Variants in MYPN observed in about 807,000 individuals in gnomAD.
MYPN encodes the protein sarcomeric protein myopalladin, 145 kDa (MYOP).
A neutral mutation model predicts 129.4 loss-of-function variants in MYPN; 63 were observed. The ratio of observed to expected loss-of-function variants is 0.49; its 90% CI spans 0.40 to 0.60. MYPN has a LOEUF of 0.60. Among genes scored for constraint, MYPN ranks in the 20% least tolerant of loss-of-function variants. MYPN has a pLI of 0.00. For synonymous variants in MYPN, 629 were observed against 600.9 expected, an observed-to-expected ratio of 1.05 and a Z score of -0.68; for missense variants, 1,596 against 1,635.4, an observed-to-expected ratio of 0.98 and a Z score of 0.42.
At position 68,188,948 on chromosome 10, in the gene MYPN, T is replaced by C. The variant is rs547527125; in HGVS notation, c.2747T>C (p.Ile916Thr). ...SSFEQRLMNEIEFRLERTPVD... is the reference protein window; with the variant it reads ...SSFEQRLMNETEFRLERTPVD... ...TTTGAGCAGAGGCTGATGAATGAAA[T>C]AGAGTTTCGCTTGGAACGTACTCCT... The change falls in exon 13 of 20, where the codon ATA (isoleucine) becomes ACA (threonine). Residue 916 changes from isoleucine to threonine, a missense_variant. Physicochemically the swap from Ile to Thr is moderately conservative, Grantham distance 89. Transcript: ENST00000358913. 2 of 1,614,082 alleles carry C rather than the reference T, an allele frequency of 1.2e-6. No individual in the cohort carries two copies. Among genetic ancestry groups the C allele is most frequent in the African/African-American group, 2.7e-5 (2 of 75,038 alleles).
chr10:68,188,340 C>A (rs923886989), intron 12 of MYPN, among the ~76,000 whole-genome samples: 2 of 151,580 alleles, frequency 1.3e-5, no homozygotes, highest in African/African-American at 2.4e-5. Context: ...GAATTCCTGG[C>A]CTCAGGTGAT....
At chr10:68,106,205 A>G (rs920277061), upstream of MYPN, 9 of 453,710 alleles carry the variant, frequency 2.0e-5, no homozygotes, top group East Asian at 5.6e-4. Flanking sequence ...TTTACTTCTC[A>G]GGATAATGTT....
At chr10:68,209,768 C>A (rs1339132071) in intron 19 of MYPN, among the ~76,000 whole-genome samples, 4 of 148,946 alleles carry the variant, frequency 2.7e-5, no homozygotes. Flanking sequence ...GATCTTGGCT[C>A]ACTGCAACCT....
In MYPN at chr10:68,194,473, TGAC is replaced by T; in HGVS notation, c.3039_3041del (p.Asp1014del). On this transcript the variant is annotated inframe_deletion, in exon 14 of 20. Transcript: ENST00000358913. ...TGCACATTGAATCCACTACCAGTGATGACGATGGCAACTACACCATCATGGCAG... is the reference window on the plus strand; with the variant it reads ...TGCACATTGAATCCACTACCAGTGATGATGGCAACTACACCATCATGGCAG... 6.2e-7 allele frequency: 1 copy of T among 1,613,940 alleles called. No individual in the cohort carries two copies. Among genetic ancestry groups the T allele is most frequent in the Non-Finnish European group, 8.5e-7 (1 of 1,179,908 alleles).
intron 1 of MYPN, among the ~76,000 whole-genome samples, chr10:68,112,880 T>C (rs2042100709): frequency 6.6e-6 from 1 of 152,158 alleles, no homozygotes; most frequent in Non-Finnish European, 1.5e-5. Flanking sequence ...GTACACTCCA[T>C]CTGCACCCAG....
rs74143030 is a variant in MYPN at position 68,158,567 on chromosome 10, G to A, written c.1399G>A (p.Glu467Lys). The A allele has an allele frequency of 7.7e-3, 12,440 of 1,610,680 alleles. 761 individuals carry two copies. In the African/African-American group the frequency reaches 0.14, roughly 18 times the overall value. The change falls in exon 7 of 20, where the codon GAG (glutamate) becomes AAG (lysine). Residue 467 changes from glutamate to lysine, a missense_variant. Physicochemically the swap from Glu to Lys is moderately conservative, Grantham distance 56. Transcript: ENST00000358913. The stretch of plus-strand genomic sequence containing the variant: ...AAAAGGAGCTCCATCTCCTAAGGTT[G>A]AGTGGTATAGAGAAGGGACTTTAAT... ...RVKGAPSPKV[E>K]WYREGTLIED... is the part of the protein sequence containing the mutation.
chr10:68,094,772 AGCAT>A (rs2041948588), intron 1 of MYPN, among the ~76,000 whole-genome samples: 1 of 152,182 alleles, frequency 6.6e-6, no homozygotes, highest in Non-Finnish European at 1.5e-5. Context: ...TAAAATATAA[AGCAT>A]GGGGGCTGGA....
chr10:68,204,347 T>C (rs1459899681), intron 18 of MYPN, among the ~76,000 whole-genome samples: 1 of 152,164 alleles, frequency 6.6e-6, no homozygotes, highest in Non-Finnish European at 1.5e-5. Context: ...ACTACAGCAA[T>C]AGCACCCTAA....
At chr10:68,100,725 G>A (rs1428086250) in intron 1 of MYPN, among the ~76,000 whole-genome samples, 1 of 152,130 alleles carries the variant, frequency 6.6e-6, no homozygotes, top group Non-Finnish European at 1.5e-5. Context: ...ACTGAAAACA[G>A]CACCAAGTCT....
intron 12 of MYPN, among the ~76,000 whole-genome samples, chr10:68,182,846 T>C (rs1312044961): frequency 1.3e-5 from 2 of 152,130 alleles, no homozygotes; most frequent in Non-Finnish European, 2.9e-5. Context: ...GAGTTCTCTG[T>C]TTTCATGACC....
At chr10:68,176,851 C>T (rs936684504) in intron 12 of MYPN, among the ~76,000 whole-genome samples, 7 of 152,196 alleles carry the variant, frequency 4.6e-5, no homozygotes, top group African/African-American at 9.7e-5. Flanking sequence ...TTCCCTGAAA[C>T]GCTGCAGTGT....
In MYPN at chr10:68,121,518, G is replaced by C. The variant is rs529359915; in HGVS notation, c.80G>C (p.Arg27Pro). 42 of 1,614,008 alleles carry C rather than the reference G, an allele frequency of 2.6e-5. No homozygotes were observed. The highest frequency in any genetic ancestry group is 3.3e-5 in the Non-Finnish European group (39 of 1,180,026). The change falls in exon 2 of 20, where the codon CGG (arginine) becomes CCG (proline). Residue 27 changes from arginine to proline, a missense_variant. Transcript: ENST00000358913. The stretch of plus-strand genomic sequence containing the variant: ...AGCTATTTAGCTGAAACCAGACATC[G>C]GGGAAACAATGAGAGGAGTCGAGCG... ...RESYLAETRH[R>P]GNNERSRAEP... is the part of the protein sequence containing the mutation.
chr10:68,173,343 C>G (rs1408391543), intron 10 of MYPN, among the ~76,000 whole-genome samples: 1 of 152,162 alleles, frequency 6.6e-6, no homozygotes, highest in Non-Finnish European at 1.5e-5. Context: ...TGTTCTGAAG[C>G]TGGGATACTT....
At chr10:68,162,338 C>T (rs1188044701) in intron 8 of MYPN, among the ~76,000 whole-genome samples, 4 of 152,182 alleles carry the variant, frequency 2.6e-5, no homozygotes, top group Middle Eastern at 3.4e-3. Flanking sequence ...CATAAATGGC[C>T]GCCATTTGAG....
chr10:68,135,310 C>T (rs1360222230), intron 2 of MYPN: 2 of 173,326 alleles, frequency 1.2e-5, no homozygotes, highest in Non-Finnish European at 2.3e-5. Flanking sequence ...CACTTACACT[C>T]CTACCCTCCC....
intron 15 of MYPN, 110 bp from the exon 16 acceptor site, chr10:68,197,242 C>T (rs7477844): frequency 1.8e-6 from 2 of 1,107,068 alleles, no homozygotes; most frequent in Non-Finnish European, 2.5e-6. Context: ...TTTCCCCCTT[C>T]AAAAAAAAAA....
rs2043055212 is a variant in MYPN at position 68,166,446 on chromosome 10, C to A, written c.1753C>A (p.His585Asn). The change falls in exon 10 of 20, where the codon CAC becomes AAC. Residue 585 changes from histidine to asparagine, a missense_variant. By Grantham distance (68) the His-to-Asn change is moderately conservative. Coordinates refer to ENST00000358913, the MANE Select transcript of MYPN (RefSeq NM_032578.4). ...KPKLEGVLVN[H>N]NEPRSSSRIG... ...CAAACTCGAGGGGGTTCTGGTGAACCACAATGAGCCCCGGTCCAGCTCCAG... is the reference window on the plus strand; with the variant it reads ...CAAACTCGAGGGGGTTCTGGTGAACAACAATGAGCCCCGGTCCAGCTCCAG... 1 of 1,613,992 alleles carries A rather than the reference C, an allele frequency of 6.2e-7. No individual in the cohort carries two copies.
At chr10:68,147,893 C>T (rs1181058067) in intron 4 of MYPN, among the ~76,000 whole-genome samples, 1 of 152,176 alleles carries the variant, frequency 6.6e-6, no homozygotes, top group Admixed American at 6.5e-5. Context: ...TTTCTACTTT[C>T]TGCCATGCCA....
intron 2 of MYPN, among the ~76,000 whole-genome samples, chr10:68,124,639 C>A (rs1471928857): frequency 3.3e-5 from 5 of 152,154 alleles, no homozygotes; most frequent in Non-Finnish European, 5.9e-5. Flanking sequence ...TCCTTGAGGG[C>A]AGGGATTCTG....
Sources: allele counts gnomAD v4.1 joint callset (sites outside exome capture counted in the v4.1 genomes callset), GRCh38; gene constraint gnomAD v4.1.1; transcripts MANE v1.5; gene names NCBI Gene and HGNC (gene_info 2026-07-23, HGNC 2026-07-21).